DOK5: variants seen among roughly 807,000 people sequenced by gnomAD.
The protein encoded by DOK5 is docking protein 5.
DOK5 carries 27 observed loss-of-function variants against 43.3 expected under a neutral mutation model. The ratio of observed to expected loss-of-function variants is 0.62; its 90% CI spans 0.46 to 0.86. DOK5 has a LOEUF of 0.86. Among genes scored for constraint, DOK5 ranks in the 40% least tolerant of loss-of-function variants. The probability of loss-of-function intolerance (pLI) is 0.00; values close to 1 mark genes in which losing one functional copy is unlikely to be tolerated. For synonymous variants in DOK5, 146 were observed against 140.1 expected (o/e 1.04, Z -0.30); for missense variants, 373 against 392.9 (o/e 0.95, Z 0.43).
At chr20:54,478,533 A>T (rs1047671004) in intron 1 of DOK5, among the ~76,000 whole-genome samples, 1 of 152,208 alleles carries the variant, frequency 6.6e-6, no homozygotes, top group Non-Finnish European at 1.5e-5. Flanking sequence ...AACCTTTAGG[A>T]ACTAATACAA....
At chr20:54,541,430 T>C (rs1374460906) in intron 1 of DOK5, among the ~76,000 whole-genome samples, 1 of 152,116 alleles carries the variant, frequency 6.6e-6, no homozygotes, top group Non-Finnish European at 1.5e-5. Context: ...ACTCAATTAT[T>C]TATTTTTATT....
chr20:54,610,635 C>A, intron 6 of DOK5, 112 bp downstream of exon 6: 1 of 1,171,430 alleles, frequency 8.5e-7, no homozygotes, highest in African/African-American at 1.6e-5. Flanking sequence ...TGACTGATTC[C>A]TCTTCTCAAC....
intron 1 of DOK5, among the ~76,000 whole-genome samples, chr20:54,549,455 A>T (rs1675835629): frequency 6.6e-6 from 1 of 152,224 alleles, no homozygotes; most frequent in African/African-American, 2.4e-5. Context: ...CATAAACCAA[A>T]TTTGAGTTTT....
At chr20:54,618,835 T>C (rs111923948) in intron 6 of DOK5, among the ~76,000 whole-genome samples, 7 of 151,426 alleles carry the variant, frequency 4.6e-5, no homozygotes, top group African/African-American at 9.7e-5. Flanking sequence ...CTGGGAAACA[T>C]AGGGAGACCC....
chr20:54,539,813 G>A (rs1342337198), intron 1 of DOK5, among the ~76,000 whole-genome samples: 3 of 152,332 alleles, frequency 2.0e-5, no homozygotes, highest in Middle Eastern at 6.8e-3. Context: ...CATGGGAAGC[G>A]ATAAATTGTT....
At chr20:54,506,405 T>C (rs1177230651) in intron 1 of DOK5, among the ~76,000 whole-genome samples, 1 of 152,206 alleles carries the variant, frequency 6.6e-6, no homozygotes, top group African/African-American at 2.4e-5. Context: ...TGTACCATGA[T>C]TGGCATTATT....
At chr20:54,589,248 T>C (rs1985909608) in intron 4 of DOK5, among the ~76,000 whole-genome samples, 1 of 152,214 alleles carries the variant, frequency 6.6e-6, no homozygotes, top group African/African-American at 2.4e-5. Context: ...TGGACCTATA[T>C]TACAGTTTAC....
intron 2 of DOK5, among the ~76,000 whole-genome samples, chr20:54,558,599 T>C (rs999130436): frequency 6.6e-6 from 1 of 152,184 alleles, no homozygotes; most frequent in African/African-American, 2.4e-5. Context: ...AATAAAATAC[T>C]GGGGTTATAA....
chr20:54,646,074 C>T (rs1979406482), intron 7 of DOK5, among the ~76,000 whole-genome samples: 1 of 151,872 alleles, frequency 6.6e-6, no homozygotes, highest in African/African-American at 2.4e-5. Context: ...GTCACAATGC[C>T]ACTGATTCTC....
intron 1 of DOK5, among the ~76,000 whole-genome samples, chr20:54,479,946 A>C (rs1176925115): frequency 6.6e-6 from 1 of 151,966 alleles, no homozygotes; most frequent in Non-Finnish European, 1.5e-5. Flanking sequence ...TATCTTTGAA[A>C]TATATCTAGA....
intron 1 of DOK5, among the ~76,000 whole-genome samples, chr20:54,546,977 G>A (rs1011308253): frequency 3.9e-5 from 6 of 152,122 alleles, no homozygotes; most frequent in African/African-American, 1.4e-4. Flanking sequence ...GGAATGTATA[G>A]GGATTCCACA....
rs550943378 is a variant in DOK5 at position 54,645,925 on chromosome 20, C to CAAAAA, written c.856+2374_856+2378dup. On this transcript the variant is annotated intron_variant, in intron 7 of 7. Transcript: ENST00000262593. ...AGAGCATGGCACATAGCAGATGCTG[C>CAAAAA]AAAAAAAAAAAAAAAAAAAAAAAAA... Among the ~76,000 whole-genome samples the CAAAAA allele has an allele frequency of 3.5e-4, 30 of 85,878 alleles. 1 individual carries two copies. The highest frequency in any genetic ancestry group is 5.6e-4 in the African/African-American group (13 of 23,124). The allele number at this position is 85,878 out of a possible 152,430, so 56.3% of individuals were successfully genotyped here.
At chr20:54,611,791 G>C (rs1374415913) in intron 6 of DOK5, among the ~76,000 whole-genome samples, 1 of 152,156 alleles carries the variant, frequency 6.6e-6, no homozygotes, top group Non-Finnish European at 1.5e-5. Flanking sequence ...TGAAACATGT[G>C]GGGTGGTTGG....
At chr20:54,614,771 A>G (rs561260863) in intron 6 of DOK5, among the ~76,000 whole-genome samples, 34 of 152,362 alleles carry the variant, frequency 2.2e-4, no homozygotes, top group African/African-American at 8.2e-4. Flanking sequence ...AAGCTTCAAC[A>G]TGGATCTGAA....
chr20:54,644,705 C>CAA (rs71196460), intron 7 of DOK5, among the ~76,000 whole-genome samples: 8 of 15,198 alleles, frequency 5.3e-4, no homozygotes, highest in African/African-American at 1.2e-3. Context: ...GACTCCGTCT[C>CAA]AAAAAAAAAA....
chr20:54,524,779 A>C (rs1442183901), intron 1 of DOK5, among the ~76,000 whole-genome samples: 1 of 152,192 alleles, frequency 6.6e-6, no homozygotes, highest in Non-Finnish European at 1.5e-5. Context: ...TTTCTTGGTA[A>C]CTAATTTTCA....
At chr20:54,500,037 T>C (rs1982539324) in intron 1 of DOK5, among the ~76,000 whole-genome samples, 1 of 152,200 alleles carries the variant, frequency 6.6e-6, no homozygotes, top group South Asian at 2.1e-4. Context: ...TTGTCTCTTT[T>C]AGATATGTTC....
intron 6 of DOK5, among the ~76,000 whole-genome samples, chr20:54,637,938 C>A (rs556643794): frequency 2.0e-5 from 3 of 152,060 alleles, no homozygotes; most frequent in Admixed American, 1.3e-4. Context: ...GTGGCTAACA[C>A]GGTGAAACCC....
intron 1 of DOK5, among the ~76,000 whole-genome samples, chr20:54,486,106 T>C (rs1015143857): frequency 1.3e-5 from 2 of 152,234 alleles, no homozygotes; most frequent in Non-Finnish European, 2.9e-5. Flanking sequence ...CAATTTTTTT[T>C]GTAAGTTTTA....
Sources: gnomAD v4.1 joint callset for allele counts (sites outside exome capture counted in the v4.1 genomes callset) on GRCh38, gnomAD v4.1.1 for gene constraint, MANE v1.5 for transcripts, NCBI Gene and HGNC (gene_info 2026-07-23, HGNC 2026-07-21) for gene names.